The following SMCHD1 variants were observed in gnomAD, a reference collection of about 807,000 sequenced individuals.
The protein encoded by SMCHD1 is structural maintenance of chromosomes flexible hinge domain containing 1, also known as structural maintenance of chromosomes flexible hinge domain-containing protein 1.
SMCHD1 carries 78 observed loss-of-function variants against 254.7 expected under a neutral mutation model. That is an observed-to-expected ratio of 0.31 (90% CI 0.26 to 0.37). The LOEUF is 0.37. Ranked by LOEUF, SMCHD1 falls within the 10% of genes least tolerant of loss-of-function variation. The pLI is 1.00. For synonymous variants in SMCHD1, 766 were observed against 794.9 expected (o/e 0.96, Z 0.61); for missense variants, 1,840 against 2,408.1 (o/e 0.76, Z 4.94).
chr18:2,661,023 T>C (rs2073235562), intron 1 of SMCHD1, among the ~76,000 whole-genome samples: 1 of 152,200 alleles, frequency 6.6e-6, no homozygotes. Flanking sequence ...ATCATGTCCT[T>C]TGCAGGGACG....
chr18:2,694,549 C>G lies in SMCHD1; in HGVS notation c.896C>G (p.Thr299Arg). ...TAGCCCTCTGATTCTGTTCACATTA[C>G]AAATGATGATGAAAGATTTCTACAT... ...NRKPSDSVHI[T>R]NDDERFLHHL... is the part of the protein sequence containing the mutation. The change falls in exon 8 of 48, where the codon ACA becomes AGA. Residue 299 changes from threonine to arginine, a missense_variant. Around this residue, in one of 9 missense-constraint regions of SMCHD1, gnomAD observed 498 missense variants for 743.5 expected, o/e 0.67. Coordinates refer to ENST00000320876, the MANE Select transcript of SMCHD1 (RefSeq NM_015295.3). The G allele has an allele frequency of 6.3e-7, 1 of 1,595,122 alleles. No individual in the cohort carries two copies. Among genetic ancestry groups the G allele is most frequent in the Non-Finnish European group, 8.6e-7 (1 of 1,168,792 alleles).
chr18:2,738,614 AG>A, intron 26 of SMCHD1, 69 bp downstream of exon 26: 1 of 1,315,998 alleles, frequency 7.6e-7, no homozygotes, highest in Non-Finnish European at 1.0e-6. Flanking sequence ...CATATATGAA[AG>A]TTGTTTTTAA....
At chr18:2,777,308 C>A (rs2143780620) in intron 42 of SMCHD1, among the ~76,000 whole-genome samples, 1 of 152,294 alleles carries the variant, frequency 6.6e-6, no homozygotes, top group East Asian at 1.9e-4. Flanking sequence ...GTCTCTGACA[C>A]CCCAATCAAC....
At chr18:2,677,981 TAAC>T (rs2143868673) in intron 5 of SMCHD1, among the ~76,000 whole-genome samples, 1 of 152,322 alleles carries the variant, frequency 6.6e-6, no homozygotes, top group African/African-American at 2.4e-5. Context: ...TCTTAATTGA[TAAC>T]AATCCAGTCT....
intron 24 of SMCHD1, among the ~76,000 whole-genome samples, chr18:2,729,867 C>T (rs1302438261): frequency 2.6e-5 from 4 of 151,932 alleles, no homozygotes; most frequent in African/African-American, 7.3e-5. Flanking sequence ...GACCAATGCA[C>T]CTGGTTATTT....
At chr18:2,663,546 G>T (rs1200131688) in intron 1 of SMCHD1, among the ~76,000 whole-genome samples, 1 of 152,082 alleles carries the variant, frequency 6.6e-6, no homozygotes, top group East Asian at 1.9e-4. Context: ...TTAAGGTGTG[G>T]ATTTTATCTG....
intron 32 of SMCHD1, among the ~76,000 whole-genome samples, chr18:2,751,029 T>C (rs554914049): frequency 6.6e-6 from 1 of 152,220 alleles, no homozygotes; most frequent in South Asian, 2.1e-4. Context: ...AATATTCTGT[T>C]CTTGGAATAC....
chr18:2,793,578 T>C (rs922190258), intron 45 of SMCHD1, among the ~76,000 whole-genome samples: 6 of 143,008 alleles, frequency 4.2e-5, no homozygotes, highest in African/African-American at 1.6e-4. Flanking sequence ...GGCAGGAGAA[T>C]GGCGTGAACC....
At chr18:2,660,152 C>T (rs978505152) in intron 1 of SMCHD1, among the ~76,000 whole-genome samples, 2 of 151,890 alleles carry the variant, frequency 1.3e-5, no homozygotes, top group Non-Finnish European at 2.9e-5. Flanking sequence ...GGTGAAACCC[C>T]GTCTCTACTA....
chr18:2,762,187 G>A lies in SMCHD1; in HGVS notation c.4517G>A (p.Arg1506His), dbSNP rs756166672. The A allele has an allele frequency of 1.4e-5, 23 of 1,613,372 alleles. No individual in the cohort carries two copies. Among genetic ancestry groups the A allele is most frequent in the African/African-American group, 4.0e-5 (3 of 74,854 alleles). The change falls in exon 36 of 48, where the codon CGC becomes CAC. Residue 1506 changes from arginine (R) to histidine (H), a missense_variant. Transcript: ENST00000320876. The part of the protein sequence containing the change: ...KPPTPAVSNV[R>H]SVASRTLVRD... Reference sequence around the variant, plus strand: ...CCTACACCAGCTGTTTCAAATGTTCGCTCAGTTGCCAGTAGGACCTTGGTC... The same window carrying A: ...CCTACACCAGCTGTTTCAAATGTTCACTCAGTTGCCAGTAGGACCTTGGTC...
intron 5 of SMCHD1, among the ~76,000 whole-genome samples, chr18:2,678,064 T>C (rs1369919641): frequency 6.6e-6 from 1 of 152,192 alleles, no homozygotes; most frequent in East Asian, 1.9e-4. Flanking sequence ...CTCCTCCCAC[T>C]TTCGTGTACT....
At chr18:2,730,808 ACT>A (rs1266372326) in intron 24 of SMCHD1, among the ~76,000 whole-genome samples, 1 of 152,090 alleles carries the variant, frequency 6.6e-6, no homozygotes, top group Admixed American at 6.6e-5. Flanking sequence ...GAATGAGATG[ACT>A]CTTCATTCCA....
chr18:2,751,498 A>C, intron 33 of SMCHD1, 105 bp downstream of exon 33: 1 of 639,230 alleles, frequency 1.6e-6, no homozygotes, highest in Non-Finnish European at 2.7e-6. Flanking sequence ...AATTTGAGAA[A>C]TGGAAGTGAA....
At chr18:2,728,977 TA>T (rs1387250163) in intron 23 of SMCHD1, 2 of 237,308 alleles carry the variant, frequency 8.4e-6, no homozygotes, top group East Asian at 1.7e-4. Context: ...GAATGATGAC[TA>T]AATGAAGGTA....
At chr18:2,733,730 C>A (rs771050866) in intron 25 of SMCHD1, among the ~76,000 whole-genome samples, 5 of 152,142 alleles carry the variant, frequency 3.3e-5, no homozygotes, top group Non-Finnish European at 7.3e-5. Context: ...TCAAAGTAAA[C>A]GTAATTGTAC....
chr18:2,727,618 A>G (rs1052389648), intron 22 of SMCHD1, among the ~76,000 whole-genome samples: 9 of 152,068 alleles, frequency 5.9e-5, no homozygotes, highest in African/African-American at 2.2e-4. Context: ...ATTTAAACCT[A>G]TGTTTGCTAC....
chr18:2,763,862 T>G lies in SMCHD1; in HGVS notation c.4719+73T>G, dbSNP rs929192442. 7 of 1,369,340 alleles carry G rather than the reference T, an allele frequency of 5.1e-6. No individual in the cohort carries two copies. The East Asian group carries it at 1.4e-4, about 28-fold the overall frequency. 84.8% of individuals were successfully genotyped at this position (1,369,340 alleles called of 1,614,324 possible). A position where few individuals can be genotyped will look rare whatever the true frequency, so the allele number is the denominator to read the frequency against. The stretch of plus-strand genomic sequence containing the variant: ...TTTTAACCACCATATTAAGACACCT[T>G]TTCTTTTGTATAGCTATGAAGATGT... On this transcript the variant is annotated intron_variant, in intron 37 of 47. Coordinates refer to ENST00000320876, the MANE Select transcript of SMCHD1 (RefSeq NM_015295.3).
intron 37 of SMCHD1, among the ~76,000 whole-genome samples, chr18:2,764,498 G>A (rs2075835500): frequency 6.6e-6 from 1 of 152,062 alleles, no homozygotes; most frequent in Admixed American, 6.6e-5. Context: ...CTTTTCTAAA[G>A]TTTGTTTTTA....
chr18:2,796,029 C>A lies in SMCHD1; in HGVS notation c.5800C>A (p.Arg1934Ser), dbSNP rs755669572. The A allele has an allele frequency of 6.3e-7, 1 of 1,592,608 alleles. No homozygotes were observed. The highest frequency in any genetic ancestry group is 1.8e-5 in the Admixed American group (1 of 56,194). Reference protein sequence around the residue: ...KDLNSQLEYLRTPDMRKKKQE... With the variant: ...KDLNSQLEYLSTPDMRKKKQE... The stretch of plus-strand genomic sequence containing the variant: ...TCTTAACAGTCAATTAGAGTACCTT[C>A]GCACTCCGGATATGAGGAAGAAAAA... The change falls in exon 46 of 48, where the codon CGC becomes AGC. Residue 1934 changes from arginine to serine, a missense_variant. Coordinates refer to ENST00000320876, the MANE Select transcript of SMCHD1 (RefSeq NM_015295.3).
Sources: gnomAD v4.1 joint callset for allele counts (sites outside exome capture counted in the v4.1 genomes callset) on GRCh38, gnomAD v4.1.1 for gene constraint, gnomAD v4.1.1 regional missense constraint, MANE v1.5 for transcripts, NCBI Gene and HGNC (gene_info 2026-07-23, HGNC 2026-07-21) for gene names.